Variants in EPHA6 observed in about 807,000 individuals in gnomAD.
The protein encoded by EPHA6 is EPH receptor A6.
In EPHA6, 50 loss-of-function variants were observed where a neutral mutation model predicts 112.0. The observed-to-expected ratio is 0.45, with a 90% CI of 0.36 to 0.56. The LOEUF (loss-of-function observed/expected upper bound fraction) is 0.56. Among genes scored for constraint, EPHA6 ranks in the 20% least tolerant of loss-of-function variants. EPHA6 has a pLI of 0.00. For synonymous variants in EPHA6, 529 were observed against 490.7 expected, an observed-to-expected ratio of 1.08 and a Z score of -1.03; for missense variants, 1,280 against 1,417.4, an observed-to-expected ratio of 0.90 and a Z score of 1.56.
At chr3:97,198,355 C>T (rs2077493535) in intron 3 of EPHA6, among the ~76,000 whole-genome samples, 2 of 152,066 alleles carry the variant, frequency 1.3e-5, no homozygotes, top group Admixed American at 1.3e-4. Flanking sequence ...CCTCCCGGTG[C>T]TGTTATTTAT....
intron 14 of EPHA6, among the ~76,000 whole-genome samples, chr3:97,688,572 TC>T (rs1351465140): frequency 7.0e-5 from 7 of 99,696 alleles, no homozygotes; most frequent in Middle Eastern, 8.8e-3. Context: ...CTGGGGCCTG[TC>T]ATGGGGTGGG....
chr3:97,703,125 A>G (rs572400369), intron 14 of EPHA6, among the ~76,000 whole-genome samples: 7 of 152,278 alleles, frequency 4.6e-5, no homozygotes, highest in African/African-American at 1.4e-4. Context: ...CTAATGCACT[A>G]CAGAGCTGAC....
chr3:97,016,788 G>C (rs1458304733), intron 3 of EPHA6, among the ~76,000 whole-genome samples: 1 of 152,134 alleles, frequency 6.6e-6, no homozygotes, highest in Non-Finnish European at 1.5e-5. Flanking sequence ...ACGTGTTCTA[G>C]AATTATCACA....
chr3:96,998,247 G>A (rs183018929), intron 3 of EPHA6, among the ~76,000 whole-genome samples: 1 of 151,838 alleles, frequency 6.6e-6, no homozygotes, highest in East Asian at 1.9e-4. Context: ...CACTGAAATG[G>A]CTCCTTTTCA....
chr3:96,852,614 A>C (rs560460678), intron 1 of EPHA6, among the ~76,000 whole-genome samples: 27 of 152,000 alleles, frequency 1.8e-4, no homozygotes, highest in African/African-American at 4.8e-4. Flanking sequence ...AAAAAAAAAA[A>C]AAAAAAACTT....
At chr3:97,294,985 CTT>C (rs1226497313) in intron 5 of EPHA6, among the ~76,000 whole-genome samples, 1 of 152,032 alleles carries the variant, frequency 6.6e-6, no homozygotes, top group Admixed American at 6.6e-5. Flanking sequence ...TGAATAGATG[CTT>C]TTCTCTCACT....
At chr3:97,643,529 G>A (rs2094029015) in intron 14 of EPHA6, among the ~76,000 whole-genome samples, 1 of 147,450 alleles carries the variant, frequency 6.8e-6, no homozygotes, top group Admixed American at 6.7e-5. Context: ...CCATCAGTGT[G>A]CTGTATTCAG....
intron 5 of EPHA6, among the ~76,000 whole-genome samples, chr3:97,270,383 C>G (rs1459299009): frequency 6.6e-6 from 1 of 152,108 alleles, no homozygotes. Flanking sequence ...GTTAAGAAAT[C>G]TTTTTATCCT....
chr3:97,419,392 G>A (rs927463280), intron 6 of EPHA6, among the ~76,000 whole-genome samples: 1 of 152,148 alleles, frequency 6.6e-6, no homozygotes, highest in African/African-American at 2.4e-5. Context: ...GGGAGGCCGA[G>A]GTGGGTGGAT....
chr3:97,142,916 C>G (rs535208617), intron 3 of EPHA6, among the ~76,000 whole-genome samples: 11 of 151,634 alleles, frequency 7.3e-5, no homozygotes, highest in Non-Finnish European at 1.5e-4. Context: ...CTCTGAGAAC[C>G]GGAAGAAGAC....
intron 2 of EPHA6, among the ~76,000 whole-genome samples, chr3:96,919,774 T>C (rs2039668013): frequency 6.6e-6 from 1 of 151,932 alleles, no homozygotes; most frequent in African/African-American, 2.4e-5. Flanking sequence ...TGCTATTAAG[T>C]ACAGCTGTAT....
At chr3:97,322,969 T>C (rs2108788892) in intron 5 of EPHA6, among the ~76,000 whole-genome samples, 1 of 152,158 alleles carries the variant, frequency 6.6e-6, no homozygotes, top group East Asian at 1.9e-4. Context: ...GATGCTTTTA[T>C]GCTAGCATGT....
intron 5 of EPHA6, among the ~76,000 whole-genome samples, chr3:97,324,887 T>C (rs2082346464): frequency 6.6e-6 from 1 of 152,134 alleles, no homozygotes; most frequent in African/African-American, 2.4e-5. Flanking sequence ...TTTACACTGA[T>C]GTGTAAATGT....
chr3:96,892,446 C>T (rs72933467), intron 2 of EPHA6, among the ~76,000 whole-genome samples: 2,436 of 152,160 alleles, frequency 0.016, 63 homozygotes, highest in African/African-American at 0.049. Flanking sequence ...TGGTCTCAAA[C>T]TCATGACTTC....
chr3:96,841,752 T>A (rs527989229), intron 1 of EPHA6, among the ~76,000 whole-genome samples: 1 of 152,158 alleles, frequency 6.6e-6, no homozygotes, highest in Non-Finnish European at 1.5e-5. Flanking sequence ...ACCTAGCCTA[T>A]TTTTATGTAT....
intron 3 of EPHA6, among the ~76,000 whole-genome samples, chr3:97,015,542 C>T (rs546448337): frequency 9.8e-5 from 15 of 152,294 alleles, no homozygotes; most frequent in African/African-American, 3.6e-4. Context: ...CCCATTAAAA[C>T]TATTCCCATC....
chr3:97,105,140 C>T (rs2108269072), intron 3 of EPHA6, among the ~76,000 whole-genome samples: 1 of 150,196 alleles, frequency 6.7e-6, no homozygotes, highest in African/African-American at 2.5e-5. Flanking sequence ...GTCTACAGTT[C>T]CACTCTGAAT....
chr3:97,021,587 T>C lies in EPHA6; in HGVS notation c.1114+33594T>C, dbSNP rs758296053. The stretch of plus-strand genomic sequence containing the variant: ...GGTGGAAAGTCAAAGATCACGGTTA[T>C]GGCAAGGTTAGTTTCTGGTGGGGAT... On this transcript the variant is annotated intron_variant, in intron 3 of 17. Coordinates refer to ENST00000389672, the MANE Select transcript of EPHA6 (RefSeq NM_001080448.3). Among the ~76,000 whole-genome samples, 18 of 152,230 alleles carry C rather than the reference T, an allele frequency of 1.2e-4. 1 individual carries two copies. The highest frequency in any genetic ancestry group is 2.2e-4 in the Non-Finnish European group (15 of 68,044).
intron 6 of EPHA6, among the ~76,000 whole-genome samples, chr3:97,424,002 A>G (rs886343947): frequency 1.3e-5 from 2 of 152,196 alleles, no homozygotes; most frequent in Non-Finnish European, 2.9e-5. Flanking sequence ...TCAGGCTGCT[A>G]ATAAACACAT....
Sources: allele counts gnomAD v4.1 joint callset (sites outside exome capture counted in the v4.1 genomes callset), GRCh38; gene constraint gnomAD v4.1.1; transcripts MANE v1.5; gene names NCBI Gene and HGNC (gene_info 2026-07-23, HGNC 2026-07-21).